Variants in LGSN observed in about 807,000 individuals in gnomAD.
The protein encoded by LGSN is lengsin.
Under a neutral mutation model 19.5 loss-of-function variants are expected in LGSN, and 21 were observed. The ratio of observed to expected loss-of-function variants is 1.07; its 90% confidence interval spans 0.76 to 1.55. The LOEUF is 1.55. Ranked by LOEUF, LGSN falls within the 40% of genes most tolerant of loss-of-function variation. The pLI is 0.00. For missense variants in LGSN, 673 were observed against 608.5 expected, an observed-to-expected ratio of 1.11 and a Z score of -1.12; for synonymous variants, 257 against 215.6, an observed-to-expected ratio of 1.19 and a Z score of -1.68.
chr6:63,406,774 C>T, the LGSN span, among the ~76,000 whole-genome samples: 4 of 151,744 alleles, frequency 2.6e-5, no homozygotes, highest in Non-Finnish European at 4.4e-5. Flanking sequence ...AATTGATAGA[C>T]TGCTAGCAAG....
the LGSN span, among the ~76,000 whole-genome samples, chr6:63,367,710 G>A: frequency 2.1e-5 from 3 of 144,924 alleles, no homozygotes; most frequent in Non-Finnish European, 4.4e-5. Flanking sequence ...AACAATGATA[G>A]AGTGGATTAA....
At chr6:63,300,141 T>G (rs1027811191) in intron 1 of LGSN, among the ~76,000 whole-genome samples, 1 of 152,156 alleles carries the variant, frequency 6.6e-6, no homozygotes, top group Non-Finnish European at 1.5e-5. Context: ...GGCCCTGCCC[T>G]TCCTCCTCCA....
the LGSN span, among the ~76,000 whole-genome samples, chr6:63,536,024 C>A: frequency 6.6e-6 from 1 of 151,798 alleles, no homozygotes; most frequent in Non-Finnish European, 1.5e-5. Context: ...CCACCCACCT[C>A]GGCCTCCCAA....
At chr6:63,283,982 G>A (rs1388383343) in intron 3 of LGSN, among the ~76,000 whole-genome samples, 1 of 152,162 alleles carries the variant, frequency 6.6e-6, no homozygotes, top group Non-Finnish European at 1.5e-5. Context: ...TTACAGGCAT[G>A]AGCCACTGTG....
chr6:63,506,429 A>C, the LGSN span, among the ~76,000 whole-genome samples: 1 of 151,844 alleles, frequency 6.6e-6, no homozygotes, highest in African/African-American at 2.4e-5. Flanking sequence ...ACGCCCGGCT[A>C]ATTTTTTGTG....
the LGSN span, among the ~76,000 whole-genome samples, chr6:63,342,242 T>C: frequency 1.3e-5 from 2 of 152,218 alleles, no homozygotes; most frequent in Non-Finnish European, 2.9e-5. Context: ...CTTTACAATT[T>C]CATTTTCTGT....
At chr6:63,338,840 GTA>G in the LGSN span, among the ~76,000 whole-genome samples, 3 of 152,076 alleles carry the variant, frequency 2.0e-5, no homozygotes, top group Non-Finnish European at 4.4e-5. Flanking sequence ...TTCTTTTGCT[GTA>G]TTTCATAGGA....
chr6:63,310,731 A>G (rs916294907), intron 1 of LGSN, among the ~76,000 whole-genome samples: 1 of 152,180 alleles, frequency 6.6e-6, no homozygotes, highest in African/African-American at 2.4e-5. Context: ...TCCCCTTTAC[A>G]GATTTTTGTA....
the LGSN span, among the ~76,000 whole-genome samples, chr6:63,341,262 C>T: frequency 1.4e-4 from 21 of 152,222 alleles, no homozygotes; most frequent in East Asian, 5.8e-4. Context: ...TGGGCAGGGC[C>T]GGCCGATCCT....
chr6:63,530,765 A>G, the LGSN span, among the ~76,000 whole-genome samples: 1 of 152,208 alleles, frequency 6.6e-6, no homozygotes, highest in African/African-American at 2.4e-5. Flanking sequence ...ATTTTTTCTT[A>G]TTCCTAGTCT....
the LGSN span, among the ~76,000 whole-genome samples, chr6:63,414,585 T>C: frequency 6.6e-6 from 1 of 152,232 alleles, no homozygotes; most frequent in Non-Finnish European, 1.5e-5. Context: ...ATATTAAATA[T>C]GTGCAGCTTT....
chr6:63,498,317 T>C, the LGSN span, among the ~76,000 whole-genome samples: 1 of 152,130 alleles, frequency 6.6e-6, no homozygotes, highest in Admixed American at 6.5e-5. Context: ...GGTCGAAGCC[T>C]GATTTTCTGG....
chr6:63,335,501 G>C, the LGSN span, among the ~76,000 whole-genome samples: 20 of 152,284 alleles, frequency 1.3e-4, no homozygotes, highest in African/African-American at 3.9e-4. Flanking sequence ...CAAACGACAT[G>C]AATAGACATT....
the LGSN span, among the ~76,000 whole-genome samples, chr6:63,461,292 T>C: frequency 6.6e-6 from 1 of 152,154 alleles, no homozygotes; most frequent in Non-Finnish European, 1.5e-5. Flanking sequence ...TCTCAAGTGA[T>C]CCACCCACCT....
At chr6:63,286,285 G>A (rs886223449) in intron 2 of LGSN, among the ~76,000 whole-genome samples, 4 of 152,078 alleles carry the variant, frequency 2.6e-5, no homozygotes, top group African/African-American at 9.7e-5. Flanking sequence ...CTAACTCTAA[G>A]AAATATACAT....
the LGSN span, among the ~76,000 whole-genome samples, chr6:63,420,106 G>A: frequency 1.3e-5 from 2 of 151,516 alleles, no homozygotes; most frequent in Non-Finnish European, 1.5e-5. Context: ...TGGAGGCTGA[G>A]GCAGGAGAAT....
At chr6:63,399,509 C>T in the LGSN span, among the ~76,000 whole-genome samples, 1 of 151,598 alleles carries the variant, frequency 6.6e-6, no homozygotes, top group Non-Finnish European at 1.5e-5. Flanking sequence ...ATTCTCCTGC[C>T]TCAGCCTCCT....
the LGSN span, among the ~76,000 whole-genome samples, chr6:63,445,042 T>C: frequency 1.3e-5 from 2 of 152,246 alleles, no homozygotes; most frequent in Non-Finnish European, 2.9e-5. Context: ...CCTGGCGCGG[T>C]GGCTTTTGCC....
chr6:63,475,078 A>G, the LGSN span, among the ~76,000 whole-genome samples: 1 of 152,174 alleles, frequency 6.6e-6, no homozygotes, highest in African/African-American at 2.4e-5. Flanking sequence ...AACCACTGTA[A>G]GAACAATGAC....
Sources: gnomAD v4.1 joint callset for allele counts (sites outside exome capture counted in the v4.1 genomes callset) on GRCh38, gnomAD v4.1.1 for gene constraint, MANE v1.5 for transcripts, NCBI Gene and HGNC (gene_info 2026-07-23, HGNC 2026-07-21) for gene names.